The following ASB15 variants were observed in gnomAD, a reference collection of about 807,000 sequenced individuals.
ASB15 encodes the protein ankyrin repeat and SOCS box protein 15.
Under a neutral mutation model 58.0 loss-of-function variants are expected in ASB15, and 54 were observed. The observed-to-expected ratio is 0.93, with a 90% CI of 0.75 to 1.17. ASB15 has a LOEUF of 1.17. ASB15 is among the 50% of genes most tolerant of loss of function. The pLI, the probability that ASB15 is intolerant of heterozygous loss-of-function variation, is 0.00. For synonymous variants in ASB15, 249 were observed against 262.4 expected (o/e 0.95, Z 0.50); for missense variants, 680 against 707.4 (o/e 0.96, Z 0.44).
At chr7:123,594,134 C>T (rs1265981606) in intron 1 of ASB15, among the ~76,000 whole-genome samples, 1 of 152,040 alleles carries the variant, frequency 6.6e-6, no homozygotes. Flanking sequence ...TCCATCAGGT[C>T]ATTTAAGCTC....
chr7:123,596,538 G>T (rs2116386108), intron 1 of ASB15: 1 of 152,244 alleles, frequency 6.6e-6, no homozygotes, highest in Non-Finnish European at 1.5e-5. Context: ...CTTGAGCCTG[G>T]GAGGCGGAGG....
intron 7 of ASB15, among the ~76,000 whole-genome samples, chr7:123,623,910 GGA>G: frequency 1.0e-5 from 1 of 96,778 alleles, no homozygotes; most frequent in Non-Finnish European, 2.1e-5. Flanking sequence ...ATGGAAGGAA[GGA>G]AGGAAGGAAG....
In ASB15 at chr7:123,636,851, G is replaced by A. The variant is rs779292424; in HGVS notation, c.1637G>A (p.Arg546Gln). 29 of 1,610,512 alleles carry A rather than the reference G, an allele frequency of 1.8e-5. No individual in the cohort carries two copies. The highest frequency in any genetic ancestry group is 1.3e-4 in the South Asian group (12 of 90,376). ...SLKHLCRLKI[R>Q]RLMGLQKLCQ... Reference sequence around the variant, plus strand: ...AAGCATTTGTGTCGGTTAAAAATTCGAAGGCTTATGGGTCTCCAGAAACTC... The same window carrying A: ...AAGCATTTGTGTCGGTTAAAAATTCAAAGGCTTATGGGTCTCCAGAAACTC... The change falls in exon 12 of 12, where the codon CGA (arginine) becomes CAA (glutamine). Residue 546 changes from arginine to glutamine, a missense_variant. By Grantham distance (43) the Arg-to-Gln change is conservative. Transcript: ENST00000451215.
intron 1 of ASB15, among the ~76,000 whole-genome samples, chr7:123,579,950 C>T (rs140042271): frequency 6.6e-6 from 1 of 152,130 alleles, no homozygotes; most frequent in East Asian, 1.9e-4. Context: ...AAGCCTGTTA[C>T]ACCTCCTGTC....
chr7:123,601,174 C>A (rs1407949795), upstream of ASB15, among the ~76,000 whole-genome samples: 1 of 152,108 alleles, frequency 6.6e-6, no homozygotes, highest in South Asian at 2.1e-4. Context: ...ATTGGAAAAT[C>A]AGTAAGACAA....
chr7:123,618,984 G>A (rs1801026073), intron 7 of ASB15, among the ~76,000 whole-genome samples: 1 of 151,858 alleles, frequency 6.6e-6, no homozygotes, highest in South Asian at 2.1e-4. Context: ...GACCAGCCTG[G>A]CCAGCATGGT....
At chr7:123,609,854 T>C (rs1423803093) in intron 3 of ASB15, among the ~76,000 whole-genome samples, 2 of 152,160 alleles carry the variant, frequency 1.3e-5, no homozygotes, top group East Asian at 1.9e-4. Flanking sequence ...AAAGGTGTCA[T>C]ATATTCATGT....
At chr7:123,626,896 C>T (rs1347013779) in intron 8 of ASB15, among the ~76,000 whole-genome samples, 1 of 152,080 alleles carries the variant, frequency 6.6e-6, no homozygotes, top group African/African-American at 2.4e-5. Flanking sequence ...CGCCACCGTG[C>T]CCAGCTAATT....
intron 1 of ASB15, among the ~76,000 whole-genome samples, chr7:123,588,869 T>A (rs1253728245): frequency 6.6e-6 from 1 of 151,832 alleles, no homozygotes; most frequent in African/African-American, 2.4e-5. Flanking sequence ...ACATATTTTT[T>A]AATTTTCCCA....
intron 7 of ASB15, among the ~76,000 whole-genome samples, chr7:123,623,679 C>G (rs1302581252): frequency 6.6e-6 from 1 of 151,916 alleles, no homozygotes; most frequent in Non-Finnish European, 1.5e-5. Context: ...GCCTGACCAA[C>G]ACGGTGAAAC....
chr7:123,597,301 T>TA (rs1392930685), upstream of ASB15, among the ~76,000 whole-genome samples: 1 of 152,212 alleles, frequency 6.6e-6, no homozygotes, highest in Non-Finnish European at 1.5e-5. Flanking sequence ...ATCATGATGG[T>TA]ATCACAGTGT....
intron 1 of ASB15, among the ~76,000 whole-genome samples, chr7:123,567,339 T>A (rs756017833): frequency 5.9e-5 from 9 of 152,168 alleles, no homozygotes; most frequent in Non-Finnish European, 1.0e-4. Context: ...AGGAAGGAGA[T>A]GAATGTTGGG....
At chr7:123,607,988 T>C (rs1261448073) in intron 2 of ASB15, among the ~76,000 whole-genome samples, 1 of 152,214 alleles carries the variant, frequency 6.6e-6, no homozygotes, top group African/African-American at 2.4e-5. Flanking sequence ...TAAACTGTTA[T>C]GAGTGTAGTC....
chr7:123,587,989 T>C (rs1264105863), intron 1 of ASB15, among the ~76,000 whole-genome samples: 2 of 151,786 alleles, frequency 1.3e-5, no homozygotes, highest in East Asian at 3.9e-4. Context: ...TATTGCCATG[T>C]AATTTTCTTT....
chr7:123,570,800 T>C (rs1388079866), intron 1 of ASB15, among the ~76,000 whole-genome samples: 1 of 152,192 alleles, frequency 6.6e-6, no homozygotes, highest in Non-Finnish European at 1.5e-5. Flanking sequence ...CCATTTCCCA[T>C]TACCACTGCA....
At chr7:123,601,412 CAAG>C (rs1470692152), upstream of ASB15, among the ~76,000 whole-genome samples, 1 of 151,970 alleles carries the variant, frequency 6.6e-6, no homozygotes, top group African/African-American at 2.4e-5. Context: ...ATTAGTATGA[CAAG>C]AAGATTGTAT....
intron 1 of ASB15, among the ~76,000 whole-genome samples, chr7:123,568,171 G>A (rs1798809464): frequency 6.6e-6 from 1 of 152,176 alleles, no homozygotes. Flanking sequence ...CTCCCACTGA[G>A]ATTTGGATTA....
chr7:123,610,019 T>C (rs1187890448), intron 3 of ASB15, among the ~76,000 whole-genome samples: 2 of 152,194 alleles, frequency 1.3e-5, no homozygotes, highest in South Asian at 4.1e-4. Flanking sequence ...CAGACCACCC[T>C]AAGTAACATA....
At position 123,620,552 on chromosome 7, in the gene ASB15, A is replaced by T. The variant is rs1428660271; in HGVS notation, c.451+2815A>T. On this transcript the variant is annotated intron_variant, in intron 7 of 11. Transcript: ENST00000451215. ...TATATATATATATATATATATATAT[A>T]TATTTTTTTTTTTTTTTTTTTTTTT... is the stretch of plus-strand genomic sequence containing the variant. Among the ~76,000 whole-genome samples the T allele has an allele frequency of 4.9e-3, 75 of 15,382 alleles. 2 individuals carry two copies. The highest frequency in any genetic ancestry group is 6.3e-3 in the Non-Finnish European group (57 of 9,098). 10.1% of individuals were successfully genotyped at this position (15,382 alleles called of 152,430 possible). A position where few individuals can be genotyped will look rare whatever the true frequency, so the allele number is the denominator to read the frequency against.
Sources: gnomAD v4.1 joint callset for allele counts (sites outside exome capture counted in the v4.1 genomes callset) on GRCh38, gnomAD v4.1.1 for gene constraint, MANE v1.5 for transcripts, NCBI Gene and HGNC (gene_info 2026-07-23, HGNC 2026-07-21) for gene names.